Variants in TRDMT1 observed in about 807,000 individuals in gnomAD.
TRDMT1 encodes the protein tRNA (cytosine(38)-C(5))-methyltransferase.
A neutral mutation model predicts 51.2 loss-of-function variants in TRDMT1; 49 were observed. That is an observed-to-expected ratio of 0.96 (90% CI 0.76 to 1.21). TRDMT1 has a LOEUF of 1.21. Among genes scored for constraint, TRDMT1 ranks in the 50% most tolerant of loss-of-function variants. The probability of loss-of-function intolerance (pLI) is 0.00; values close to 1 mark genes in which losing one functional copy is unlikely to be tolerated. For synonymous variants in TRDMT1, 187 were observed against 164.6 expected, an observed-to-expected ratio of 1.14 and a Z score of -1.04; for missense variants, 534 against 462.3, an observed-to-expected ratio of 1.16 and a Z score of -1.42.
chr10:17,154,630 TTAGTTAAAA>T, intron 9 of TRDMT1, 38 bp downstream of exon 9: 2 of 1,471,790 alleles, frequency 1.4e-6, no homozygotes, highest in Non-Finnish European at 1.8e-6. Flanking sequence ...TTAAACAATT[TTAGTTAAAA>T]GTTTTAAAGT....
At chr10:17,168,626 T>C (rs1248496210) in intron 3 of TRDMT1, among the ~76,000 whole-genome samples, 3 of 152,188 alleles carry the variant, frequency 2.0e-5, no homozygotes, top group South Asian at 4.1e-4. Context: ...GATGGTTCTA[T>C]AAAGGGCAGT....
At chr10:17,171,909 T>C (rs1842079348) in intron 2 of TRDMT1, 2 of 165,130 alleles carry the variant, frequency 1.2e-5, no homozygotes, top group South Asian at 2.1e-4. Flanking sequence ...AATTTTTATC[T>C]ATTTTTATTA....
intron 3 of TRDMT1, among the ~76,000 whole-genome samples, chr10:17,167,558 TC>T (rs1183293210): frequency 1.1e-4 from 17 of 152,170 alleles, no homozygotes; most frequent in African/African-American, 4.1e-4. Context: ...ATTAAAAATA[TC>T]TAAATGAAAA....
intron 1 of TRDMT1, among the ~76,000 whole-genome samples, chr10:17,183,503 C>T (rs1392743983): frequency 6.6e-6 from 1 of 152,136 alleles, no homozygotes; most frequent in African/African-American, 2.4e-5. Context: ...CTGCAATCTC[C>T]ACCTCCTGGG....
chr10:17,159,256 A>G (rs746480539), intron 6 of TRDMT1, 27 bp from the exon 7 acceptor site: 1 of 1,542,380 alleles, frequency 6.5e-7, no homozygotes, highest in Non-Finnish European at 8.8e-7. Context: ...GCAGTTAGTT[A>G]CTCTAAAAAA....
At chr10:17,165,625 C>A (rs1841087724) in intron 3 of TRDMT1, among the ~76,000 whole-genome samples, 1 of 151,954 alleles carries the variant, frequency 6.6e-6, no homozygotes, top group South Asian at 2.1e-4. Flanking sequence ...ACTCATCTGA[C>A]AAAGGGCTAA....
intron 2 of TRDMT1, chr10:17,169,479 A>G: frequency 7.8e-7 from 1 of 1,289,830 alleles, no homozygotes; most frequent in African/African-American, 1.5e-5. Flanking sequence ...TGTTGACAAG[A>G]TGCATCAAAA....
Position 17,142,005 on chromosome 10 carries a change from C to G in TRDMT1, c.*7035G>C, listed in dbSNP as rs547038437. Reference sequence around the variant, plus strand: ...TAAAAATTGGCATATAGTGCACCTACCATAATGGTTCTTTTGTTAACTTCT... The same window carrying G: ...TAAAAATTGGCATATAGTGCACCTAGCATAATGGTTCTTTTGTTAACTTCT... On this transcript the variant is annotated 3_prime_UTR_variant, in exon 11 of 11. Transcript: ENST00000377799. 3.3e-5 allele frequency among the ~76,000 whole-genome samples: 5 copies of G among 152,116 alleles called. No individual in the cohort carries two copies. Among genetic ancestry groups the G allele is most frequent in the African/African-American group, 1.2e-4 (5 of 41,426 alleles).
intron 1 of TRDMT1, among the ~76,000 whole-genome samples, chr10:17,199,633 C>A (rs944477032): frequency 2.6e-5 from 4 of 152,092 alleles, no homozygotes; most frequent in Admixed American, 2.6e-4. Flanking sequence ...AACTCACAAG[C>A]CTGTTAAGAT....
chr10:17,173,382 T>C (rs1440830901), intron 2 of TRDMT1, among the ~76,000 whole-genome samples: 4 of 152,198 alleles, frequency 2.6e-5, no homozygotes, highest in African/African-American at 7.2e-5. Context: ...ATTATTGATA[T>C]ACAACAAAAC....
chr10:17,156,271 G>A (rs1205754427), intron 8 of TRDMT1, among the ~76,000 whole-genome samples: 1 of 150,510 alleles, frequency 6.6e-6, no homozygotes, highest in Non-Finnish European at 1.5e-5. Flanking sequence ...GTCTCACTCT[G>A]TCGCCCAGGC....
chr10:17,201,328 C>T, intron 1 of TRDMT1: 1 of 498,706 alleles, frequency 2.0e-6, no homozygotes. Flanking sequence ...CCCAACTGGG[C>T]CCTTTGAGGC....
At chr10:17,161,592 A>G in intron 4 of TRDMT1, 44 bp from the exon 5 acceptor site, 6 of 966,762 alleles carry the variant, frequency 6.2e-6, no homozygotes, top group Non-Finnish European at 7.1e-6. Flanking sequence ...TCTCATTACT[A>G]AGAAGAAAAA....
At chr10:17,186,576 T>C (rs1045220040) in intron 1 of TRDMT1, among the ~76,000 whole-genome samples, 34 of 152,144 alleles carry the variant, frequency 2.2e-4, no homozygotes, top group African/African-American at 8.2e-4. Context: ...TGCAGCCCTG[T>C]TGATAACTTG....
chr10:17,141,896 G>C lies in TRDMT1; in HGVS notation c.*7144C>G, dbSNP rs1440974052. Among the ~76,000 whole-genome samples the C allele has an allele frequency of 6.6e-6, 1 of 152,106 alleles. No homozygotes were observed. The highest frequency in any genetic ancestry group is 1.5e-5 in the Non-Finnish European group (1 of 68,024). On this transcript the variant is annotated 3_prime_UTR_variant, in exon 11 of 11. Transcript: ENST00000377799. ...TTAATGTAACAGACAAAATGTCCAG[G>C]ATCTAATCAAATTATCTGTTACCAC...
chr10:17,157,679 C>A lies in TRDMT1; in HGVS notation c.649G>T (p.Asp217Tyr). 6.2e-7 allele frequency: 1 copy of A among 1,613,114 alleles called. No homozygotes were observed. The highest frequency in any genetic ancestry group is 1.1e-5 in the South Asian group (1 of 90,988). ...EKNVEPNISF[D>Y]GSIQCSGKDA... ...TTTCCAGAACACTGTATGCTGCCATCAAAGCTAATATTTGGTTCAACGTTC... is the reference window on the plus strand; with the variant it reads ...TTTCCAGAACACTGTATGCTGCCATAAAAGCTAATATTTGGTTCAACGTTC... The change falls in exon 8 of 11, where the codon GAT (aspartate) becomes TAT (tyrosine). Residue 217 changes from aspartate to tyrosine, a missense_variant. Asp to Tyr is a radical substitution (Grantham distance 160). Transcript: ENST00000377799.
At chr10:17,194,474 A>C (rs1845108518) in intron 1 of TRDMT1, among the ~76,000 whole-genome samples, 1 of 152,148 alleles carries the variant, frequency 6.6e-6, no homozygotes, top group African/African-American at 2.4e-5. Flanking sequence ...AAAAACAAAC[A>C]ACCCCACTTA....
rs554619212 is a variant in TRDMT1, at chr10:17,143,841, C to T, written c.*5199G>A. On this transcript the variant is annotated 3_prime_UTR_variant, in exon 11 of 11. Transcript: ENST00000377799. ...GAACTTGGAAGATGTGGAGACTAACCGTACCATAAATATTAAAGTCAAGAG... is the reference window on the plus strand; with the variant it reads ...GAACTTGGAAGATGTGGAGACTAACTGTACCATAAATATTAAAGTCAAGAG... 1.4e-5 allele frequency: 14 copies of T among 985,334 alleles called. No homozygotes were observed. In the South Asian group the frequency reaches 1.9e-4, roughly 13 times the overall value. 61.0% of individuals were successfully genotyped at this position (985,334 alleles called of 1,614,324 possible).
chr10:17,178,737 A>G (rs189287629), intron 1 of TRDMT1, among the ~76,000 whole-genome samples: 81 of 152,218 alleles, frequency 5.3e-4, no homozygotes, highest in African/African-American at 1.7e-3. Context: ...TATTTCCAAG[A>G]ATAAAATAAA....
Sources: gnomAD v4.1 joint callset for allele counts (sites outside exome capture counted in the v4.1 genomes callset) on GRCh38, gnomAD v4.1.1 for gene constraint, MANE v1.5 for transcripts, NCBI Gene and HGNC (gene_info 2026-07-23, HGNC 2026-07-21) for gene names.